Variants in ALMS1 observed in about 807,000 individuals in gnomAD.
ALMS1 encodes the protein ALMS1 centrosome and basal body associated protein, also known as centrosome-associated protein ALMS1.
In ALMS1, 271 loss-of-function variants were observed where a neutral mutation model predicts 352.2. The ratio of observed to expected loss-of-function variants is 0.77; its 90% CI spans 0.70 to 0.85. ALMS1 has a LOEUF of 0.85. Among genes scored for constraint, ALMS1 ranks in the 40% least tolerant of loss-of-function variants. The pLI is 0.00. For missense variants in ALMS1, 5,445 were observed against 4,870.7 expected, an observed-to-expected ratio of 1.12 and a Z score of -3.51; for synonymous variants, 1,865 against 1,761.2, an observed-to-expected ratio of 1.06 and a Z score of -1.48.
At chr2:73,509,758 A>G (rs1325497709) in intron 10 of ALMS1, among the ~76,000 whole-genome samples, 2 of 151,980 alleles carry the variant, frequency 1.3e-5, no homozygotes, top group Admixed American at 1.3e-4. Context: ...CTTCTTGAGG[A>G]GTATCTTTGT....
intron 9 of ALMS1, among the ~76,000 whole-genome samples, chr2:73,474,849 T>G (rs1024124000): frequency 6.6e-5 from 10 of 152,166 alleles, no homozygotes. Flanking sequence ...ATAGTTTATT[T>G]ATAGAATTTT....
In ALMS1 at chr2:73,490,089, G is replaced by A. The variant is rs755292125; in HGVS notation, c.8130G>A (p.Lys2710=). Residue 2710 remains lysine, a synonymous_variant, in exon 10 of 23, where the codon AAG becomes AAA. Transcript: ENST00000613296. The part of the protein sequence containing the change: ...SQMPSPEPMK[K]FTTSITFSSH... ...TGCCGTCCCCAGAACCCATGAAAAA[G>A]TTTACTACCTCCATCACTTTTTCAT... 2.5e-6 allele frequency: 4 copies of A among 1,614,146 alleles called. No homozygotes were observed. The Admixed American group carries it at 5.0e-5, about 20-fold the overall frequency.
At chr2:73,607,524 C>T (rs549745399) in intron 21 of ALMS1, among the ~76,000 whole-genome samples, 7 of 152,222 alleles carry the variant, frequency 4.6e-5, no homozygotes, top group East Asian at 1.9e-4. Flanking sequence ...TATTCCTTTA[C>T]GCTCCTTTTT....
intron 1 of ALMS1, among the ~76,000 whole-genome samples, chr2:73,390,265 A>G (rs1574426177): frequency 6.6e-6 from 1 of 152,210 alleles, no homozygotes. Context: ...AAAAATGCTT[A>G]GTATGTTTCT....
At chr2:73,400,627 G>C (rs1670854760) in intron 1 of ALMS1, among the ~76,000 whole-genome samples, 1 of 152,046 alleles carries the variant, frequency 6.6e-6, no homozygotes, top group Admixed American at 6.5e-5. Flanking sequence ...ATAGATATAG[G>C]CCTCTTCATT....
chr2:73,474,806 C>T (rs1490259910), intron 9 of ALMS1, among the ~76,000 whole-genome samples: 1 of 152,050 alleles, frequency 6.6e-6, no homozygotes, highest in African/African-American at 2.4e-5. Context: ...GTATAATTTA[C>T]TATAATACAT....
At chr2:73,390,997 T>A (rs1670633315) in intron 1 of ALMS1, among the ~76,000 whole-genome samples, 1 of 151,892 alleles carries the variant, frequency 6.6e-6, no homozygotes, top group African/African-American at 2.4e-5. Context: ...TCTTGATCTC[T>A]TGACCTCAGG....
At chr2:73,528,746 C>T (rs932270415) in intron 11 of ALMS1, among the ~76,000 whole-genome samples, 6 of 151,458 alleles carry the variant, frequency 4.0e-5, no homozygotes, top group African/African-American at 1.5e-4. Context: ...TTTAGATTTG[C>T]CCTTTTGAGG....
At chr2:73,578,401 C>T (rs1275949124) in intron 16 of ALMS1, among the ~76,000 whole-genome samples, 1 of 152,114 alleles carries the variant, frequency 6.6e-6, no homozygotes, top group Non-Finnish European at 1.5e-5. Context: ...GACTTACTTT[C>T]CCCGTGCTGT....
At chr2:73,444,913 CAAT>C (rs972906238) in intron 7 of ALMS1, among the ~76,000 whole-genome samples, 69 of 151,828 alleles carry the variant, frequency 4.5e-4, no homozygotes, top group African/African-American at 1.5e-3. Flanking sequence ...ATTTAGTTAT[CAAT>C]AATTAATAAT....
chr2:73,573,217 C>T lies in ALMS1; in HGVS notation c.11340C>T (p.Ser3780=). The T allele has an allele frequency of 6.2e-7, 1 of 1,613,058 alleles. No homozygotes were observed. The highest frequency in any genetic ancestry group is 8.5e-7 in the Non-Finnish European group (1 of 1,179,292). ...DREVALHERS[S]SVSTIDTARL... is the part of the protein sequence containing the mutation. ...AGGTGGCTCTGCACGAAAGGAGTAG[C>T]TCTGTTTCCACTATTGACACTGCCC... Residue 3780 remains serine (S), a synonymous_variant, in exon 16 of 23, where the codon AGC becomes AGT. Coordinates refer to ENST00000613296, the MANE Select transcript of ALMS1 (RefSeq NM_001378454.1).
chr2:73,467,872 C>T (rs1672389420), intron 9 of ALMS1, among the ~76,000 whole-genome samples: 1 of 151,904 alleles, frequency 6.6e-6, no homozygotes. Context: ...ATATGAAATT[C>T]AAAAACTAAT....
chr2:73,527,523 T>A (rs955388971), intron 11 of ALMS1, among the ~76,000 whole-genome samples: 1 of 152,046 alleles, frequency 6.6e-6, no homozygotes, highest in Non-Finnish European at 1.5e-5. Context: ...TTTGTCCATT[T>A]TTTTCTAGCT....
At chr2:73,565,766 A>G (rs908413422) in intron 15 of ALMS1, among the ~76,000 whole-genome samples, 1 of 152,216 alleles carries the variant, frequency 6.6e-6, no homozygotes, top group Non-Finnish European at 1.5e-5. Flanking sequence ...CCAAAAACCC[A>G]TAACCCCAGT....
chr2:73,559,548 G>A (rs1674615783), intron 15 of ALMS1, among the ~76,000 whole-genome samples: 1 of 151,906 alleles, frequency 6.6e-6, no homozygotes, highest in African/African-American at 2.4e-5. Context: ...ATTTTTGTTT[G>A]TCCATGGGTC....
At chr2:73,496,519 C>T (rs1673111661) in intron 10 of ALMS1, among the ~76,000 whole-genome samples, 1 of 151,998 alleles carries the variant, frequency 6.6e-6, no homozygotes, top group South Asian at 2.1e-4. Context: ...TAGTTTGGGA[C>T]CATTAAAATT....
chr2:73,572,601 G>A lies in ALMS1; in HGVS notation c.10724G>A (p.Gly3575Glu), dbSNP rs757615972. 4.3e-6 allele frequency: 7 copies of A among 1,613,872 alleles called. No homozygotes were observed. The highest frequency in any genetic ancestry group is 1.7e-5 in the Admixed American group (1 of 59,974). Reference protein sequence around the residue: ...SQVRDYPKHNGQISDPQRDQK... With the variant: ...SQVRDYPKHNEQISDPQRDQK... Reference sequence around the variant, plus strand: ...GTTAGAGATTATCCAAAACATAATGGACAAATTAGTGATCCACAAAGGGAT... The same window carrying A: ...GTTAGAGATTATCCAAAACATAATGAACAAATTAGTGATCCACAAAGGGAT... The change falls in exon 16 of 23, where the codon GGA becomes GAA. Residue 3575 changes from glycine to glutamate, a missense_variant. By Grantham distance (98) the Gly-to-Glu change is moderately conservative. Coordinates refer to ENST00000613296, the MANE Select transcript of ALMS1 (RefSeq NM_001378454.1).
chr2:73,507,892 C>G (rs550526933), intron 10 of ALMS1, among the ~76,000 whole-genome samples: 1 of 152,118 alleles, frequency 6.6e-6, no homozygotes, highest in East Asian at 1.9e-4. Flanking sequence ...TAGATCTTTC[C>G]TGCTTTCTCC....
At chr2:73,553,031 G>A (rs1470767535) in intron 13 of ALMS1, among the ~76,000 whole-genome samples, 1 of 152,130 alleles carries the variant, frequency 6.6e-6, no homozygotes, top group East Asian at 1.9e-4. Context: ...TTTCAGAACT[G>A]AAAGATGTGA....
Sources: allele counts gnomAD v4.1 joint callset (sites outside exome capture counted in the v4.1 genomes callset), GRCh38; gene constraint gnomAD v4.1.1; transcripts MANE v1.5; gene names NCBI Gene and HGNC (gene_info 2026-07-23, HGNC 2026-07-21).